Variants in TRRAP observed in about 807,000 individuals in gnomAD.
TRRAP encodes transformation/transcription domain associated protein.
In TRRAP, 41 loss-of-function variants were observed where a neutral mutation model predicts 438.8. The observed-to-expected ratio is 0.09, with a 90% CI of 0.07 to 0.12. TRRAP has a LOEUF of 0.12. Among genes scored for constraint, TRRAP ranks in the 10% least tolerant of loss-of-function variants. TRRAP has a pLI of 1.00. For missense variants in TRRAP, 3,122 were observed against 5,055.1 expected, an observed-to-expected ratio of 0.62 and a Z score of 11.60; for synonymous variants, 1,994 against 1,962.9, an observed-to-expected ratio of 1.02 and a Z score of -0.42.
intron 67 of TRRAP, among the ~76,000 whole-genome samples, chr7:99,000,155 A>C (rs1030083817): frequency 6.6e-6 from 1 of 152,112 alleles, no homozygotes; most frequent in Non-Finnish European, 1.5e-5. Flanking sequence ...TTACAGGTGC[A>C]CGTGCCACCA....
chr7:98,948,490 G>T lies in TRRAP; in HGVS notation c.4669-76G>T, dbSNP rs1791186944. 19 of 1,613,020 alleles carry T rather than the reference G, an allele frequency of 1.2e-5. No homozygotes were observed. Among genetic ancestry groups the T allele is most frequent in the Non-Finnish European group, 1.5e-5 (18 of 1,179,816 alleles). On this transcript the variant is annotated intron_variant, in intron 34 of 72. Transcript: ENST00000456197. This position sits in a 1 kb window ranked among gnomAD's most constrained non-coding sequence, Gnocchi z 4.9. ...GGTGTTCATGCACTCCAGTAACAAG[G>T]GACCTTGTTAGGTAGACAGCCTCAA...
chr7:98,992,569 G>T (rs1793476611), intron 65 of TRRAP, among the ~76,000 whole-genome samples: 2 of 151,278 alleles, frequency 1.3e-5, no homozygotes, highest in African/African-American at 4.9e-5. Flanking sequence ...CCGTGTGTGT[G>T]TGTGTGTGTG....
At position 98,993,564 on chromosome 7, in the gene TRRAP, G is replaced by C. The variant is rs370895367; in HGVS notation, c.9874G>C (p.Val3292Leu). Reference sequence around the variant, plus strand: ...TTCTGGACAGCAGCAGCCAAGTTCAGTGGGTAACCAGTCCCATTCTGCATC... The same window carrying C: ...TTCTGGACAGCAGCAGCCAAGTTCACTGGGTAACCAGTCCCATTCTGCATC... ...SDSGQQQPSS[V>L]GNQSHSASDP... The change falls in exon 66 of 73, where the codon GTG (valine) becomes CTG (leucine). Residue 3292 changes from valine (V) to leucine (L), a missense_variant. Physicochemically the swap from Val to Leu is conservative, Grantham distance 32. This residue lies in a region of TRRAP where 107 missense variants were observed against 327.5 expected (regional missense o/e 0.33). Transcript: ENST00000456197. 302 of 1,612,834 alleles carry C rather than the reference G, an allele frequency of 1.9e-4. No homozygotes were observed. Among genetic ancestry groups the C allele is most frequent in the Non-Finnish European group, 2.5e-4 (292 of 1,180,036 alleles).
intron 23 of TRRAP, among the ~76,000 whole-genome samples, chr7:98,928,196 C>T (rs1554411971): frequency 1.3e-5 from 2 of 152,004 alleles, no homozygotes; most frequent in African/African-American, 4.8e-5. Flanking sequence ...AGAGATCGTG[C>T]CATTGTTCCA....
At chr7:98,996,197 C>T (rs1181694823) in intron 67 of TRRAP, among the ~76,000 whole-genome samples, 1 of 152,246 alleles carries the variant, frequency 6.6e-6, no homozygotes, top group African/African-American at 2.4e-5. Flanking sequence ...GTCCCATCTA[C>T]ACACCCACAT....
At chr7:98,950,588 T>G (rs1554418026) in intron 38 of TRRAP, among the ~76,000 whole-genome samples, 7 of 152,196 alleles carry the variant, frequency 4.6e-5, no homozygotes, top group Non-Finnish European at 2.9e-5. Context: ...GAGCGTCAGG[T>G]GCATGCAGGA....
chr7:98,971,581 T>TG (rs1792441230), intron 52 of TRRAP, among the ~76,000 whole-genome samples: 1 of 152,248 alleles, frequency 6.6e-6, no homozygotes, highest in African/African-American at 2.4e-5. Flanking sequence ...AGCACACTGG[T>TG]GGCTTCTTTA....
Position 98,956,066 on chromosome 7 carries a change from T to C in TRRAP, c.5938-80T>C. On this transcript the variant is annotated intron_variant, in intron 41 of 72. Transcript: ENST00000456197. The surrounding 1 kb of genome is among the most constrained non-coding windows in gnomAD (Gnocchi z 4.5). ...GGCTGAGAGGCATGTCGGGGGTGTG[T>C]GTGTGCACGTGCGCACACGTGCATG... 5.3e-6 allele frequency: 8 copies of C among 1,496,564 alleles called. No individual in the cohort carries two copies. The highest frequency in any genetic ancestry group is 2.6e-5 in the South Asian group (2 of 77,304). 92.7% of individuals were successfully genotyped at this position (1,496,564 alleles called of 1,614,324 possible). A position where few individuals can be genotyped will look rare whatever the true frequency, so the allele number is the denominator to read the frequency against.
intron 61 of TRRAP, 29 bp from the exon 62 acceptor site, chr7:98,984,915 C>CT: frequency 6.6e-7 from 1 of 1,512,066 alleles, no homozygotes; most frequent in Non-Finnish European, 9.1e-7. Context: ...ATTTCAAGAA[C>CT]TTTTTTTCTG....
intron 31 of TRRAP, among the ~76,000 whole-genome samples, chr7:98,945,228 A>C (rs1442538137): frequency 1.2e-4 from 19 of 152,224 alleles, no homozygotes; most frequent in Admixed American, 1.2e-3. Context: ...GTGTATGCAC[A>C]CATACATGCG....
Position 99,012,343 on chromosome 7 carries a change from C to T in TRRAP, c.11610C>T (p.His3870=), listed in dbSNP as rs755940785. The T allele has an allele frequency of 1.9e-6, 3 of 1,599,178 alleles. No homozygotes were observed. In the East Asian group the frequency reaches 6.8e-5, roughly 36 times the overall value. Residue 3870 remains histidine (H), a synonymous_variant, in exon 73 of 73, where the codon CAC becomes CAT. Transcript: ENST00000456197. The surrounding 1 kb of genome is among the most constrained non-coding windows in gnomAD (Gnocchi z 5.9). ...DNLCRMDPAW[H]PWL ...TGTGCCGCATGGACCCCGCCTGGCA[C>T]CCCTGGCTGTGACTGTGGCCGCCAC...
chr7:98,958,796 C>A (rs1020165125), intron 44 of TRRAP, among the ~76,000 whole-genome samples: 10 of 152,086 alleles, frequency 6.6e-5, no homozygotes, highest in Non-Finnish European at 1.5e-4. Context: ...GATGATCCAA[C>A]CTACAGAAGG....
intron 53 of TRRAP, 176 bp from the exon 54 acceptor site, chr7:98,975,973 A>G: frequency 1.2e-6 from 1 of 819,598 alleles, no homozygotes. Flanking sequence ...ATGGCTTCCC[A>G]CCACTCAGGA....
chr7:99,004,430 C>G lies in TRRAP; in HGVS notation c.10535+15C>G, dbSNP rs774037954. On this transcript the variant is annotated intron_variant, in intron 68 of 72. Transcript: ENST00000456197. ...AAGATTGCACGGTGAGTGGGCCAGC[C>G]TGGCAGGTGGAACTAACCCACGGCG... 1.9e-5 allele frequency: 30 copies of G among 1,608,266 alleles called. No individual in the cohort carries two copies. Among genetic ancestry groups the G allele is most frequent in the Non-Finnish European group, 2.3e-5 (27 of 1,175,870 alleles).
intron 17 of TRRAP, 130 bp from the exon 18 acceptor site, chr7:98,911,892 G>T: frequency 3.9e-6 from 3 of 775,866 alleles, no homozygotes; most frequent in Non-Finnish European, 6.1e-6. Flanking sequence ...TTTTTCCTTT[G>T]GTGGATAATT....
chr7:98,928,718 A>AT (rs1182036945), intron 23 of TRRAP, among the ~76,000 whole-genome samples: 2 of 151,670 alleles, frequency 1.3e-5, no homozygotes, highest in African/African-American at 4.8e-5. Context: ...CTATTTAATA[A>AT]TTTTTTTAAA....
At chr7:98,981,374 G>A (rs1011700157) in intron 58 of TRRAP, among the ~76,000 whole-genome samples, 1 of 152,272 alleles carries the variant, frequency 6.6e-6, no homozygotes, top group East Asian at 1.9e-4. Context: ...TGCTCTGCAG[G>A]CTGGGCAACA....
In TRRAP at chr7:99,004,173, C is replaced by A; in HGVS notation, c.10310-17C>A. The A allele has an allele frequency of 6.2e-7, 1 of 1,601,580 alleles. No homozygotes were observed. Among genetic ancestry groups the A allele is most frequent in the South Asian group, 1.1e-5 (1 of 88,394 alleles). On this transcript the variant is annotated splice_polypyrimidine_tract_variant and intron_variant, in intron 67 of 72. Transcript: ENST00000456197. Reference sequence around the variant, plus strand: ...CCAGATGACTAAAAACGTTTTTAATCATGTTTTATTTTTAAGATTTTGACT... The same window carrying A: ...CCAGATGACTAAAAACGTTTTTAATAATGTTTTATTTTTAAGATTTTGACT...
Position 98,899,498 on chromosome 7 carries a change from A to G in TRRAP, c.710A>G (p.Gln237Arg). The G allele has an allele frequency of 1.2e-6, 2 of 1,614,112 alleles. No individual in the cohort carries two copies. The highest frequency in any genetic ancestry group is 1.7e-6 in the Non-Finnish European group (2 of 1,179,988). Residue 237 changes from glutamine (Q) to arginine (R), a missense_variant and splice_region_variant, in exon 9 of 73, where the codon CAG becomes CGG. Gln to Arg is a conservative substitution (Grantham distance 43, BLOSUM62 1). Coordinates refer to ENST00000456197, the MANE Select transcript of TRRAP (RefSeq NM_001375524.1). ...ELPIIVVLMY[Q>R]LYKLNIHNVV... is the part of the protein sequence containing the mutation. Reference sequence around the variant, plus strand: ...CCCATTATTGTTGTTTTAATGTATCAGGTATGTGTATTGCTCATTAGTCTC... The same window carrying G: ...CCCATTATTGTTGTTTTAATGTATCGGGTATGTGTATTGCTCATTAGTCTC...
Sources: gnomAD v4.1 joint callset for allele counts (sites outside exome capture counted in the v4.1 genomes callset) on GRCh38, gnomAD v4.1.1 for gene constraint, gnomAD v4.1.1 regional missense constraint, Gnocchi (gnomAD v3.1) non-coding constraint, MANE v1.5 for transcripts, NCBI Gene and HGNC (gene_info 2026-07-23, HGNC 2026-07-21) for gene names.